Variants in CACNA1G observed in about 807,000 individuals in gnomAD.
The protein encoded by CACNA1G is voltage-dependent T-type calcium channel subunit alpha-1G.
CACNA1G carries 67 observed loss-of-function variants against 219.4 expected under a neutral mutation model. The observed-to-expected ratio is 0.31, with a 90% CI of 0.25 to 0.37. The LOEUF is 0.37. CACNA1G is among the 10% of genes least tolerant of loss of function. CACNA1G has a pLI of 1.00. For synonymous variants in CACNA1G, 1,296 were observed against 1,345.3 expected, an observed-to-expected ratio of 0.96 and a Z score of 0.80; for missense variants, 2,380 against 3,231.4, an observed-to-expected ratio of 0.74 and a Z score of 6.39.
Position 50,626,308 on chromosome 17 carries a change from C to G in CACNA1G, c.6691C>G (p.Pro2231Ala). 1 of 1,613,420 alleles carries G rather than the reference C, an allele frequency of 6.2e-7. No homozygotes were observed. Among genetic ancestry groups the G allele is most frequent in the Non-Finnish European group, 8.5e-7 (1 of 1,179,822 alleles). ...CTGGATTTCAGGAGACCTCCTGCCC[C>G]CTGGCGGCCAGGAGGAGCCCCCATC... Reference protein sequence around the residue: ...LSWISGDLLPPGGQEEPPSPR... With the variant: ...LSWISGDLLPAGGQEEPPSPR... Residue 2231 changes from proline to alanine, a missense_variant, in exon 38 of 38, where the codon CCT becomes GCT. By Grantham distance (27) the Pro-to-Ala change is conservative. Coordinates refer to ENST00000359106, the MANE Select transcript of CACNA1G (RefSeq NM_018896.5). The surrounding 1 kb of genome is among the most constrained non-coding windows in gnomAD (Gnocchi z 4.3).
At chr17:50,581,741 A>G (rs935884933) in intron 9 of CACNA1G, among the ~76,000 whole-genome samples, 12 of 152,220 alleles carry the variant, frequency 7.9e-5, no homozygotes, top group Non-Finnish European at 1.3e-4. Flanking sequence ...GACTGAGGAG[A>G]GAGCAAGAAA....
At position 50,569,765 on chromosome 17, in the gene CACNA1G, G is replaced by A. The variant is rs1420598814; in HGVS notation, c.548G>A (p.Arg183His). 3.9e-6 allele frequency: 6 copies of A among 1,550,670 alleles called. No homozygotes were observed. The highest frequency in any genetic ancestry group is 2.0e-5 in the Admixed American group (1 of 50,978). ...NVSFSAVRTV[R>H]VLRPLRAINR... ...AGCTTCTCAGCTGTCAGGACAGTCC[G>A]TGTGCTGCGACCGCTCAGGGCCATT... Residue 183 changes from arginine (R) to histidine (H), a missense_variant, in exon 4 of 38, where the codon CGT (arginine) becomes CAT (histidine). By Grantham distance (29) the Arg-to-His change is conservative (BLOSUM62 0). Transcript: ENST00000359106.
intron 37 of CACNA1G, 144 bp from the exon 38 acceptor site, chr17:50,625,873 G>C: frequency 1.2e-6 from 1 of 825,270 alleles, no homozygotes; most frequent in Non-Finnish European, 1.9e-6. Context: ...CTATCTACTA[G>C]TAAGAGCGGC....
At chr17:50,601,320 C>A in intron 19 of CACNA1G, 146 bp downstream of exon 19, 1 of 981,012 alleles carries the variant, frequency 1.0e-6, no homozygotes, top group Non-Finnish European at 1.5e-6. Flanking sequence ...GGTCTCTCAC[C>A]AGATCCTGGT....
intron 1 of CACNA1G, among the ~76,000 whole-genome samples, chr17:50,568,314 G>A (rs1295016021): frequency 6.6e-6 from 1 of 152,144 alleles, no homozygotes; most frequent in African/African-American, 2.4e-5. Context: ...ACATGACTTC[G>A]GCATTTCTGG....
rs1286632446 is a variant in CACNA1G at position 50,617,574 on chromosome 17, T to C, written c.5155+3T>C. 1 of 1,613,764 alleles carries C rather than the reference T, an allele frequency of 6.2e-7. No individual in the cohort carries two copies. On this transcript the variant is annotated splice_donor_region_variant and intron_variant, in intron 29 of 37. Coordinates refer to ENST00000359106, the MANE Select transcript of CACNA1G (RefSeq NM_018896.5). This position sits in a 1 kb window ranked among gnomAD's most constrained non-coding sequence, Gnocchi z 5.8. The stretch of plus-strand genomic sequence containing the variant: ...GAGGGTGCTGCGCATTGCCCGAGGT[T>C]GGTGCCCAGCCCACGCACCTGCCCT...
chr17:50,579,931 G>C (rs570940605), intron 9 of CACNA1G, among the ~76,000 whole-genome samples: 2 of 152,234 alleles, frequency 1.3e-5, no homozygotes, highest in South Asian at 4.1e-4. Flanking sequence ...TCACTTTTCC[G>C]GGGGATTCGA....
chr17:50,615,543 C>T (rs971749498), intron 27 of CACNA1G, 31 bp downstream of exon 27: 3 of 1,604,494 alleles, frequency 1.9e-6, no homozygotes, highest in Non-Finnish European at 2.6e-6. Flanking sequence ...CATCTGGCCC[C>T]CCCACCTCCA....
In CACNA1G at chr17:50,561,292, T is replaced by C; in HGVS notation, c.-168T>C. On this transcript the variant is annotated 5_prime_UTR_variant, in exon 1 of 38. Transcript: ENST00000359106. ...CGGCGCCCCGCGGGCAGCATGCCCC[T>C]GCGGGCAGGGGGAGCTGGGCTGAAC... The C allele has an allele frequency of 1.4e-6, 1 of 735,554 alleles. No individual in the cohort carries two copies. The highest frequency in any genetic ancestry group is 2.1e-6 in the Non-Finnish European group (1 of 474,510). The allele number at this position is 735,554 out of a possible 1,614,324, so 45.6% of individuals were successfully genotyped here.
intron 16 of CACNA1G, among the ~76,000 whole-genome samples, chr17:50,598,031 C>CT (rs1412907436): frequency 3.3e-5 from 5 of 152,058 alleles, no homozygotes; most frequent in African/African-American, 1.2e-4. Context: ...TATTTTCTTT[C>CT]TTTCTTTCTT....
At chr17:50,595,584 A>G (rs1374688497) in intron 14 of CACNA1G, among the ~76,000 whole-genome samples, 1 of 152,208 alleles carries the variant, frequency 6.6e-6, no homozygotes, top group Non-Finnish European at 1.5e-5. Flanking sequence ...AAAATGTACC[A>G]ATATTTTAAA....
intron 37 of CACNA1G, 47 bp from the exon 38 acceptor site, chr17:50,625,970 T>C (rs528210194): frequency 6.4e-7 from 1 of 1,554,732 alleles, no homozygotes; most frequent in East Asian, 2.3e-5. Context: ...GGCTAGTCCA[T>C]GCTGGAGAGG....
intron 13 of CACNA1G, among the ~76,000 whole-genome samples, chr17:50,594,707 T>C (rs1465054556): frequency 1.3e-5 from 2 of 152,208 alleles, no homozygotes; most frequent in African/African-American, 4.8e-5. Context: ...ACACCCTTAA[T>C]GAATGGTGGC....
chr17:50,577,237 C>T (rs1336639017), intron 8 of CACNA1G, among the ~76,000 whole-genome samples: 2 of 152,058 alleles, frequency 1.3e-5, no homozygotes, highest in East Asian at 3.9e-4. Flanking sequence ...TAATTACTCT[C>T]AGTGGGTGCT....
rs778102612 is a variant in CACNA1G, at chr17:50,617,869, G to C, written c.5166G>C (p.Leu1722=). The C allele has an allele frequency of 6.2e-7, 1 of 1,613,672 alleles. No homozygotes were observed. Among genetic ancestry groups the C allele is most frequent in the South Asian group, 1.1e-5 (1 of 91,070 alleles). The change falls in exon 30 of 38, where the codon CTG becomes CTC. Residue 1722 remains leucine (L), a synonymous_variant. Coordinates refer to ENST00000359106, the MANE Select transcript of CACNA1G (RefSeq NM_018896.5). This position sits in a 1 kb window ranked among gnomAD's most constrained non-coding sequence, Gnocchi z 5.8. Reference sequence around the variant, plus strand: ...TGTCCTGTTCTGCAGTGCTGAAGCTGCTGAAGATGGCTGTGGGCATGCGGG... The same window carrying C: ...TGTCCTGTTCTGCAGTGCTGAAGCTCCTGAAGATGGCTGTGGGCATGCGGG... The part of the protein sequence containing the change: ...RVLRIARVLK[L]LKMAVGMRAL...
Position 50,561,050 on chromosome 17 carries a change from G to A in CACNA1G, c.-410G>A, listed in dbSNP as rs1258181150. 2.9e-6 allele frequency: 1 copy of A among 347,550 alleles called. No individual in the cohort carries two copies. The highest frequency in any genetic ancestry group is 4.0e-5 in the Admixed American group (1 of 24,794). 21.5% of individuals were successfully genotyped at this position (347,550 alleles called of 1,614,324 possible). A position where few individuals can be genotyped will look rare whatever the true frequency, so the allele number is the denominator to read the frequency against. ...TCCAGCTGCGCCGCGGGAAGAGGGG[G>A]CGCCCCTCCCCGGACCCCCGCCCTC... is the stretch of plus-strand genomic sequence containing the variant. On this transcript the variant is annotated 5_prime_UTR_variant, in exon 1 of 38. Coordinates refer to ENST00000359106, the MANE Select transcript of CACNA1G (RefSeq NM_018896.5).
At chr17:50,583,570 C>T (rs1466871935) in intron 9 of CACNA1G, among the ~76,000 whole-genome samples, 1 of 151,902 alleles carries the variant, frequency 6.6e-6, no homozygotes, top group African/African-American at 2.4e-5. Flanking sequence ...GCTGCTCATC[C>T]CCAGCTCTCC....
Position 50,618,235 on chromosome 17 carries a change from A to C in CACNA1G, c.5319A>C (p.Thr1773=), listed in dbSNP as rs1203961311. ...CTCCTCCCCCAGAGTGTGACGAGACACACCCCTGTGAGGGCCTGGGCCGTC... is the reference window on the plus strand; with the variant it reads ...CTCCTCCCCCAGAGTGTGACGAGACCCACCCCTGTGAGGGCCTGGGCCGTC... ...ELFGDLECDE[T]HPCEGLGRHA... is the part of the protein sequence containing the mutation. The change falls in exon 32 of 38, where the codon ACA becomes ACC. Residue 1773 remains threonine (T), a synonymous_variant. Coordinates refer to ENST00000359106, the MANE Select transcript of CACNA1G (RefSeq NM_018896.5). The surrounding 1 kb of genome is among the most constrained non-coding windows in gnomAD (Gnocchi z 5.3). The C allele has an allele frequency of 1.2e-6, 2 of 1,613,576 alleles. No homozygotes were observed. The highest frequency in any genetic ancestry group is 2.2e-5 in the South Asian group (2 of 91,060).
chr17:50,589,154 A>C (rs2043625475), intron 9 of CACNA1G, among the ~76,000 whole-genome samples: 1 of 152,134 alleles, frequency 6.6e-6, no homozygotes, highest in Non-Finnish European at 1.5e-5. Context: ...CATTGAGCCA[A>C]CCATATCTCT....
Sources: gnomAD v4.1 joint callset for allele counts (sites outside exome capture counted in the v4.1 genomes callset) on GRCh38, gnomAD v4.1.1 for gene constraint, Gnocchi (gnomAD v3.1) non-coding constraint, MANE v1.5 for transcripts, NCBI Gene and HGNC (gene_info 2026-07-23, HGNC 2026-07-21) for gene names.